Variants in KCNS3 observed in about 807,000 individuals in gnomAD.
The protein encoded by KCNS3 is potassium voltage-gated channel modifier subfamily S member 3, also known as delayed-rectifier potassium channel regulatory subunit KCNS3.
KCNS3 carries 13 observed loss-of-function variants against 31.0 expected under a neutral mutation model. The observed-to-expected ratio is 0.42, with a 90% CI of 0.27 to 0.67. KCNS3 has a LOEUF of 0.67. Among genes scored for constraint, KCNS3 ranks in the 30% least tolerant of loss-of-function variants. The pLI, the probability that KCNS3 is intolerant of heterozygous loss-of-function variation, is 0.25. For missense variants in KCNS3, 545 were observed against 622.4 expected (o/e 0.88, Z 1.32); for synonymous variants, 238 against 241.5 (o/e 0.99, Z 0.13).
Position 17,931,635 on chromosome 2 carries a change from G to A in KCNS3, c.627G>A (p.Glu209=), listed in dbSNP as rs1389396712. 4 of 1,614,100 alleles carry A rather than the reference G, an allele frequency of 2.5e-6. No individual in the cohort carries two copies. Among genetic ancestry groups the A allele is most frequent in the South Asian group, 1.1e-5 (1 of 91,088 alleles). The change falls in exon 3 of 3, where the codon GAG becomes GAA. Residue 209 remains glutamate, a synonymous_variant. Coordinates refer to ENST00000304101, the MANE Select transcript of KCNS3 (RefSeq NM_002252.5). This position sits in a 1 kb window ranked among gnomAD's most constrained non-coding sequence, Gnocchi z 5.4. ...CCATGTGCGTTCACAGCATGTCGGA[G>A]TTCCAGAATGAGGATGGAGAAGTGG... ...IVAMCVHSMS[E]FQNEDGEVDD...
intron 1 of KCNS3, among the ~76,000 whole-genome samples, chr2:17,902,431 T>C (rs756415938): frequency 6.6e-6 from 1 of 152,052 alleles, no homozygotes; most frequent in Non-Finnish European, 1.5e-5. Flanking sequence ...CATAAAATAG[T>C]ACTTTATTTG....
chr2:17,920,957 T>C (rs1266157911), intron 2 of KCNS3, among the ~76,000 whole-genome samples: 2 of 152,220 alleles, frequency 1.3e-5, no homozygotes, highest in Non-Finnish European at 2.9e-5. Flanking sequence ...GTGGACAACG[T>C]TGGGCAAATT....
intron 1 of KCNS3, among the ~76,000 whole-genome samples, chr2:17,899,287 A>G (rs1572485782): frequency 6.6e-6 from 1 of 152,214 alleles, no homozygotes; most frequent in East Asian, 1.9e-4. Flanking sequence ...TTGATATAGC[A>G]CTTACATAAT....
intron 1 of KCNS3, among the ~76,000 whole-genome samples, chr2:17,889,443 G>A (rs1661787226): frequency 6.6e-6 from 1 of 152,074 alleles, no homozygotes; most frequent in African/African-American, 2.4e-5. Context: ...TGATTGCTCT[G>A]GCTAGGACTT....
intron 2 of KCNS3, among the ~76,000 whole-genome samples, chr2:17,921,206 A>T (rs151310836): frequency 6.6e-6 from 1 of 152,332 alleles, no homozygotes; most frequent in African/African-American, 2.4e-5. Context: ...AACATTTTTA[A>T]TGGAGAATTT....
At chr2:17,928,805 G>A (rs1489697456) in intron 2 of KCNS3, among the ~76,000 whole-genome samples, 2 of 151,976 alleles carry the variant, frequency 1.3e-5, no homozygotes, top group Admixed American at 1.3e-4. Context: ...TTACAGACTA[G>A]AAAACACATC....
At chr2:17,930,901 G>A (rs974850338) in intron 2 of KCNS3, 49 bp from the exon 3 acceptor site, 3 of 1,304,536 alleles carry the variant, frequency 2.3e-6, no homozygotes, top group Non-Finnish European at 3.2e-6. Flanking sequence ...AATAAGCTTG[G>A]CTGGGCACGG....
rs866434641 is a variant in KCNS3 at position 17,884,222 on chromosome 2, T to C, written c.-252+5416T>C. On this transcript the variant is annotated intron_variant, in intron 1 of 2. Transcript: ENST00000304101. ...TATACATATGTAACAAACCTGCACGTTGTGCACATGTACCCTAGAACTTAA... is the reference window on the plus strand; with the variant it reads ...TATACATATGTAACAAACCTGCACGCTGTGCACATGTACCCTAGAACTTAA... Among the ~76,000 whole-genome samples the C allele has an allele frequency of 5.1e-4, 72 of 140,702 alleles. No individual in the cohort carries two copies. The Middle Eastern group carries it at 0.015, about 29-fold the overall frequency. 92.3% of individuals were successfully genotyped at this position (140,702 alleles called of 152,430 possible).
In KCNS3 at chr2:17,931,212, CT is replaced by C; in HGVS notation, c.207del (p.Phe69LeufsTer12). ...DYSVADKEYY[F>X]DRNPSLFRYV... ...ACAGTGTGGCCGATAAGGAGTACTA[CT>C]TTGATCGGAATCCCTCCTTGTTCAG... is the stretch of plus-strand genomic sequence containing the variant. On this transcript the variant is annotated frameshift_variant, in exon 3 of 3. Transcript: ENST00000304101. LOFTEE classifies it high-confidence loss of function. This position sits in a 1 kb window ranked among gnomAD's most constrained non-coding sequence, Gnocchi z 5.4. 1 of 1,614,120 alleles carries C rather than the reference CT, an allele frequency of 6.2e-7. No homozygotes were observed. The highest frequency in any genetic ancestry group is 8.5e-7 in the Non-Finnish European group (1 of 1,180,002).
chr2:17,893,940 GTTTTTTTTTT>G (rs5829612), intron 1 of KCNS3, among the ~76,000 whole-genome samples: 22 of 98,904 alleles, frequency 2.2e-4, no homozygotes, highest in East Asian at 1.4e-3. Flanking sequence ...CCAGGAGCCA[GTTTTTTTTTT>G]TTTTTTTTTT....
intron 2 of KCNS3, among the ~76,000 whole-genome samples, chr2:17,923,240 A>G (rs1662760739): frequency 6.6e-6 from 1 of 152,150 alleles, no homozygotes; most frequent in African/African-American, 2.4e-5. Flanking sequence ...CATCTTTTCA[A>G]GTACCTTTTG....
At chr2:17,912,531 C>T (rs1662494488) in intron 1 of KCNS3, among the ~76,000 whole-genome samples, 1 of 152,242 alleles carries the variant, frequency 6.6e-6, no homozygotes, top group South Asian at 2.1e-4. Flanking sequence ...GTACTTCCTT[C>T]TATGAGGTGC....
intron 1 of KCNS3, among the ~76,000 whole-genome samples, chr2:17,909,853 C>G (rs770037912): frequency 3.9e-5 from 6 of 152,160 alleles, no homozygotes; most frequent in Non-Finnish European, 7.4e-5. Context: ...GAGGTAAGAT[C>G]AGACAAATGA....
At chr2:17,906,397 T>G (rs1350669423) in intron 1 of KCNS3, among the ~76,000 whole-genome samples, 1 of 152,138 alleles carries the variant, frequency 6.6e-6, no homozygotes, top group African/African-American at 2.4e-5. Flanking sequence ...TTTGTTGATC[T>G]TTTCAAAAAA....
chr2:17,930,949 G>T lies in KCNS3; in HGVS notation c.-59-1G>T. The stretch of plus-strand genomic sequence containing the variant: ...CTAATATCATCTTGTGCTCTTTCCA[G>T]GTGCAGCCTGATCTTCCTCTTCTCC... On this transcript the variant is annotated splice_acceptor_variant, in intron 2 of 2. Transcript: ENST00000304101. LOFTEE classifies it low-confidence loss of function (5UTR_SPLICE). 6.4e-7 allele frequency: 1 copy of T among 1,562,482 alleles called. No individual in the cohort carries two copies.
In KCNS3 at chr2:17,932,077, A is replaced by G. The variant is rs1479577020; in HGVS notation, c.1069A>G (p.Ile357Val). 1 of 1,614,080 alleles carries G rather than the reference A, an allele frequency of 6.2e-7. No homozygotes were observed. The change falls in exon 3 of 3, where the codon ATC (isoleucine) becomes GTC (valine). Residue 357 changes from isoleucine to valine, a missense_variant. Ile to Val is a conservative substitution (Grantham distance 29). Coordinates refer to ENST00000304101, the MANE Select transcript of KCNS3 (RefSeq NM_002252.5). ...TGACCACACATCCAGCCTCACCAGC[A>G]TCCCCATCTGCTGGTGGTGGGCCAC... ...KDDHTSSLTSIPICWWWATIS... is the reference protein window; with the variant it reads ...KDDHTSSLTSVPICWWWATIS...
intron 1 of KCNS3, among the ~76,000 whole-genome samples, chr2:17,913,735 G>C (rs1207046217): frequency 1.6e-4 from 24 of 152,176 alleles, no homozygotes; most frequent in Admixed American, 1.5e-3. Context: ...TTCTTTTCCT[G>C]TACTTATAGA....
Position 17,932,041 on chromosome 2 carries a change from G to T in KCNS3, c.1033G>T (p.Val345Leu). The T allele has an allele frequency of 6.2e-7, 1 of 1,614,022 alleles. No individual in the cohort carries two copies. The highest frequency in any genetic ancestry group is 8.5e-7 in the Non-Finnish European group (1 of 1,179,988). Residue 345 changes from valine to leucine, a missense_variant, in exon 3 of 3, where the codon GTG becomes TTG. Val to Leu is a conservative substitution (Grantham distance 32). Transcript: ENST00000304101. ...CATTTTCTCTGTGCTTATCTACTCC[G>T]TGGAGAAAGATGACCACACATCCAG... ...ISIFSVLIYS[V>L]EKDDHTSSLT...
At chr2:17,907,352 T>A (rs1662347816) in intron 1 of KCNS3, among the ~76,000 whole-genome samples, 1 of 152,232 alleles carries the variant, frequency 6.6e-6, no homozygotes, top group African/African-American at 2.4e-5. Context: ...CCTATGTGTG[T>A]CTCTGCACGT....
Sources: allele counts gnomAD v4.1 joint callset (sites outside exome capture counted in the v4.1 genomes callset), GRCh38; gene constraint gnomAD v4.1.1; non-coding constraint Gnocchi (gnomAD v3.1); transcripts MANE v1.5; gene names NCBI Gene and HGNC (gene_info 2026-07-23, HGNC 2026-07-21).